The following TMC1 variants were observed in gnomAD, a reference collection of about 807,000 sequenced individuals.
The protein encoded by TMC1 is transmembrane channel-like protein 1.
TMC1 carries 84 observed loss-of-function variants against 105.8 expected under a neutral mutation model. That is an observed-to-expected ratio of 0.79 (90% confidence interval 0.67 to 0.95). TMC1 has a LOEUF of 0.95. TMC1 is among the 40% of genes least tolerant of loss of function. TMC1 has a pLI of 0.00. For missense variants in TMC1, 817 were observed against 914.1 expected, an observed-to-expected ratio of 0.89 and a Z score of 1.37; for synonymous variants, 315 against 311.5, an observed-to-expected ratio of 1.01 and a Z score of -0.12.
chr9:72,673,646 C>G (rs1025200173), intron 5 of TMC1, among the ~76,000 whole-genome samples: 1 of 152,052 alleles, frequency 6.6e-6, no homozygotes, highest in Admixed American at 6.6e-5. Flanking sequence ...ATAAAAAACT[C>G]AGGCCAATAA....
intron 3 of TMC1, among the ~76,000 whole-genome samples, chr9:72,621,337 C>A (rs1289591505): frequency 6.6e-6 from 1 of 152,108 alleles, no homozygotes; most frequent in African/African-American, 2.4e-5. Context: ...CCCCTGTGTG[C>A]CTTACACGTA....
intron 4 of TMC1, among the ~76,000 whole-genome samples, chr9:72,647,141 C>CA (rs1196322492): frequency 0.029 from 1,600 of 55,582 alleles, 24 homozygotes; most frequent in African/African-American, 0.046. Flanking sequence ...GACTCCATCT[C>CA]AAAAAAAAAA....
At chr9:72,799,811 G>C (rs1434413389) in intron 17 of TMC1, among the ~76,000 whole-genome samples, 1 of 152,148 alleles carries the variant, frequency 6.6e-6, no homozygotes. Flanking sequence ...AATGGACTTT[G>C]CAGATGAAAT....
intron 5 of TMC1, among the ~76,000 whole-genome samples, chr9:72,657,090 G>T (rs559951684): frequency 6.6e-6 from 1 of 152,302 alleles, no homozygotes; most frequent in South Asian, 2.1e-4. Context: ...AAGTTTGAAA[G>T]GATTCAAAGA....
At chr9:72,737,266 G>T (rs1161718650) in intron 8 of TMC1, among the ~76,000 whole-genome samples, 1 of 152,094 alleles carries the variant, frequency 6.6e-6, no homozygotes, top group Non-Finnish European at 1.5e-5. Context: ...TGATCAAATT[G>T]TTCCGTAATA....
chr9:72,656,191 A>G (rs1372105789), intron 5 of TMC1: 12 of 556,788 alleles, frequency 2.2e-5, no homozygotes, highest in Non-Finnish European at 3.8e-5. Context: ...CTTAAAAGCC[A>G]TCACTGCTGC....
intron 2 of TMC1, among the ~76,000 whole-genome samples, chr9:72,578,509 A>G (rs549910115): frequency 4.1e-4 from 63 of 152,162 alleles, no homozygotes; most frequent in African/African-American, 1.5e-3. Context: ...AGTCCGAACA[A>G]CTCTGCATTT....
At chr9:72,603,931 A>G (rs138836981) in intron 2 of TMC1, among the ~76,000 whole-genome samples, 5,288 of 139,892 alleles carry the variant, frequency 0.038, 128 homozygotes, top group Middle Eastern at 0.11. Context: ...CAATGGTACA[A>G]TCTTGGCTCA....
intron 1 of TMC1, among the ~76,000 whole-genome samples, chr9:72,545,401 A>G (rs1214403578): frequency 6.6e-6 from 1 of 152,036 alleles, no homozygotes; most frequent in African/African-American, 2.4e-5. Flanking sequence ...TTCTGTTTTA[A>G]TGACTTAACT....
At chr9:72,732,729 A>G (rs767779604) in intron 8 of TMC1, among the ~76,000 whole-genome samples, 4 of 152,182 alleles carry the variant, frequency 2.6e-5, no homozygotes, top group Non-Finnish European at 5.9e-5. Context: ...AACTGGGAGC[A>G]CTGAGCTCAA....
chr9:72,805,274 T>A (rs1359897174), intron 17 of TMC1, 108 bp from the exon 18 acceptor site: 34 of 1,132,446 alleles, frequency 3.0e-5, no homozygotes, highest in Non-Finnish European at 4.4e-5. Context: ...TGCCATTAAT[T>A]GCAGTCTTCA....
intron 1 of TMC1, among the ~76,000 whole-genome samples, chr9:72,542,416 C>T (rs1476536942): frequency 4.0e-5 from 6 of 151,772 alleles, no homozygotes; most frequent in Non-Finnish European, 7.4e-5. Context: ...GCTGAGGTAG[C>T]GCCACTGCAC....
chr9:72,814,860 G>T (rs1828757546), intron 18 of TMC1, among the ~76,000 whole-genome samples: 1 of 151,242 alleles, frequency 6.6e-6, no homozygotes, highest in African/African-American at 2.4e-5. Context: ...TTGAGTTCTT[G>T]GGTTTGGGAG....
Position 72,698,612 on chromosome 9 carries a change from C to G in TMC1, c.237-1906C>G, listed in dbSNP as rs534148390. On this transcript the variant is annotated intron_variant, in intron 7 of 23. Transcript: ENST00000297784. ...TTAGGAGGTATAAATGTTAATTAGA[C>G]TGCAGAAAAGGTAAAAAGAGAACAC... Among the ~76,000 whole-genome samples the G allele has an allele frequency of 1.4e-3, 206 of 152,214 alleles. 1 individual carries two copies. The highest frequency in any genetic ancestry group is 4.7e-3 in the African/African-American group (197 of 41,526).
chr9:72,555,570 G>A (rs150815859), intron 1 of TMC1, among the ~76,000 whole-genome samples: 103 of 152,112 alleles, frequency 6.8e-4, no homozygotes, highest in Non-Finnish European at 1.2e-3. Flanking sequence ...AATCCCATGC[G>A]AATAAGTGGA....
At chr9:72,806,474 G>A (rs1564567851) in intron 18 of TMC1, among the ~76,000 whole-genome samples, 2 of 151,418 alleles carry the variant, frequency 1.3e-5, no homozygotes, top group Non-Finnish European at 2.9e-5. Flanking sequence ...CTGGGTGGCT[G>A]CCGGGCGGAG....
intron 5 of TMC1, among the ~76,000 whole-genome samples, chr9:72,650,294 G>GA (rs1269908573): frequency 6.6e-6 from 1 of 152,156 alleles, no homozygotes; most frequent in Non-Finnish European, 1.5e-5. Context: ...CATAAGAATG[G>GA]AAAAAAATGA....
chr9:72,713,027 A>G (rs911036717), intron 8 of TMC1, among the ~76,000 whole-genome samples: 3 of 152,182 alleles, frequency 2.0e-5, no homozygotes, highest in Admixed American at 6.5e-5. Flanking sequence ...ATCTATTGAG[A>G]TAATCATGTG....
intron 2 of TMC1, among the ~76,000 whole-genome samples, chr9:72,585,708 G>T (rs555193093): frequency 6.6e-6 from 1 of 152,310 alleles, no homozygotes; most frequent in East Asian, 1.9e-4. Flanking sequence ...GTTGTCAGTG[G>T]AGAAGTTATT....
Sources: allele counts gnomAD v4.1 joint callset (sites outside exome capture counted in the v4.1 genomes callset), GRCh38; gene constraint gnomAD v4.1.1; transcripts MANE v1.5; gene names NCBI Gene and HGNC (gene_info 2026-07-23, HGNC 2026-07-21).